MECOM: variants seen among roughly 807,000 people sequenced by gnomAD.
The protein encoded by MECOM is histone-lysine N-methyltransferase MECOM.
In MECOM, 13 loss-of-function variants were observed where a neutral mutation model predicts 116.3. The observed-to-expected ratio is 0.11, with a 90% CI of 0.07 to 0.18. MECOM has a LOEUF of 0.18. MECOM is among the 10% of genes least tolerant of loss of function. MECOM has a pLI of 1.00. For synonymous variants in MECOM, 528 were observed against 535.2 expected (o/e 0.99, Z 0.19); for missense variants, 1,299 against 1,509.0 (o/e 0.86, Z 2.31).
chr3:169,542,857 CTT>C (rs1448394804), intron 1 of MECOM, among the ~76,000 whole-genome samples: 1 of 152,156 alleles, frequency 6.6e-6, no homozygotes, highest in African/African-American at 2.4e-5. Context: ...TCTACTATGT[CTT>C]TGGAAAGTTG....
At chr3:169,507,594 G>A (rs16847809) in intron 1 of MECOM, among the ~76,000 whole-genome samples, 25,185 of 146,816 alleles carry the variant, frequency 0.17, 2,271 homozygotes, top group East Asian at 0.34. Flanking sequence ...TCCAAGAATA[G>A]AAGGCCTACA....
rs559643485 is a variant in MECOM at position 169,334,556 on chromosome 3, C to T, written c.375+46631G>A. On this transcript the variant is annotated intron_variant, in intron 2 of 16. Transcript: ENST00000651503. ...TGCAAGAACCACAGAAGACGGAGAA[C>T]GCTGGTTGATGAGGAGAAGGTCATT... is the stretch of plus-strand genomic sequence containing the variant. 3.9e-5 allele frequency among the ~76,000 whole-genome samples: 6 copies of T among 151,986 alleles called. No homozygotes were observed. In the South Asian group the frequency reaches 6.2e-4, roughly 16 times the overall value.
chr3:169,457,117 G>C (rs967672876), intron 1 of MECOM, among the ~76,000 whole-genome samples: 2 of 152,070 alleles, frequency 1.3e-5, no homozygotes, highest in Non-Finnish European at 2.9e-5. Flanking sequence ...CTCTACCACT[G>C]TTCTCCACAG....
chr3:169,381,276 T>C lies in MECOM; in HGVS notation c.286A>G (p.Thr96Ala). The C allele has an allele frequency of 6.2e-7, 1 of 1,613,838 alleles. No homozygotes were observed. The highest frequency in any genetic ancestry group is 1.3e-5 in the African/African-American group (1 of 75,038). ...TCACCTACTTCGATCTTCCTTTTGG[T>C]CCATATTCCTAGTCCTGCCCCAGGC... ...NMPGAGLGIW[T>A]KRKIEVGEKF... The change falls in exon 2 of 17, where the codon ACC becomes GCC. Residue 96 changes from threonine to alanine, a missense_variant. Physicochemically the swap from Thr to Ala is moderately conservative, Grantham distance 58 (BLOSUM62 0). This residue lies in a region of MECOM where 374 missense variants were observed against 433.4 expected (regional missense o/e 0.86). Transcript: ENST00000651503.
intron 2 of MECOM, among the ~76,000 whole-genome samples, chr3:169,215,020 T>C (rs139645595): frequency 6.6e-6 from 1 of 150,816 alleles, no homozygotes; most frequent in Non-Finnish European, 1.5e-5. Context: ...GCTTTTCTTA[T>C]AGGGCTTTGA....
chr3:169,146,989 C>G (rs1740123480), intron 2 of MECOM: 1 of 995,772 alleles, frequency 1.0e-6, no homozygotes, highest in Non-Finnish European at 1.2e-6. Context: ...TGTCCGCCAA[C>G]AGTGTATTTT....
Position 169,611,049 on chromosome 3 carries a change from T to A in MECOM, c.37+52287A>T, listed in dbSNP as rs1034260382. On this transcript the variant is annotated intron_variant, in intron 1 of 16. Transcript: ENST00000651503. This position sits in a 1 kb window ranked among gnomAD's most constrained non-coding sequence, Gnocchi z 4.1. ...ACCACCTTCAGCATTTGTTAAAAAT[T>A]ACCCATTCCTGTAGATTCTGAGTCA... is the stretch of plus-strand genomic sequence containing the variant. Among the ~76,000 whole-genome samples, 1 of 152,178 alleles carries A rather than the reference T, an allele frequency of 6.6e-6. No homozygotes were observed. The highest frequency in any genetic ancestry group is 2.4e-5 in the African/African-American group (1 of 41,450).
At chr3:169,498,301 G>T (rs1240315008) in intron 1 of MECOM, among the ~76,000 whole-genome samples, 1 of 151,998 alleles carries the variant, frequency 6.6e-6, no homozygotes, top group Non-Finnish European at 1.5e-5. Flanking sequence ...GACCAAAATG[G>T]CAGTGTAAGT....
At chr3:169,294,517 A>G (rs1273792583) in intron 2 of MECOM, among the ~76,000 whole-genome samples, 1 of 152,190 alleles carries the variant, frequency 6.6e-6, no homozygotes, top group Non-Finnish European at 1.5e-5. Flanking sequence ...CTCTGCTCAA[A>G]TGTCCCCATT....
intron 1 of MECOM, among the ~76,000 whole-genome samples, chr3:169,583,749 T>G (rs944643665): frequency 6.6e-6 from 1 of 151,502 alleles, no homozygotes; most frequent in Admixed American, 6.6e-5. Context: ...GATCCAAGCA[T>G]GCCACCACGT....
At chr3:169,187,251 AC>A (rs2149411647) in intron 2 of MECOM, among the ~76,000 whole-genome samples, 1 of 152,196 alleles carries the variant, frequency 6.6e-6, no homozygotes, top group East Asian at 1.9e-4. Context: ...GCTATGATCA[AC>A]CTCTCACCTT....
At chr3:169,287,664 A>G (rs1456476799) in intron 2 of MECOM, among the ~76,000 whole-genome samples, 1 of 152,100 alleles carries the variant, frequency 6.6e-6, no homozygotes, top group Non-Finnish European at 1.5e-5. Flanking sequence ...ATTCCTAATT[A>G]TTTGTACAAT....
At chr3:169,602,525 GA>G (rs1433525682) in intron 1 of MECOM, among the ~76,000 whole-genome samples, 2 of 152,078 alleles carry the variant, frequency 1.3e-5, no homozygotes, top group African/African-American at 4.8e-5. Flanking sequence ...CTGATTGTAG[GA>G]TGTTTAACAG....
chr3:169,140,347 G>A (rs1464228404), intron 3 of MECOM, among the ~76,000 whole-genome samples: 1 of 152,112 alleles, frequency 6.6e-6, no homozygotes, highest in East Asian at 1.9e-4. Context: ...TAAGGATAAA[G>A]AGACTTGGGT....
rs1459424874 is a variant in MECOM, at chr3:169,378,528, AAG to A, written c.375+2657_375+2658del. Among the ~76,000 whole-genome samples, 18 of 70,324 alleles carry A rather than the reference AAG, an allele frequency of 2.6e-4. 2 individuals are homozygous for A. The highest frequency in any genetic ancestry group is 5.4e-4 in the South Asian group (1 of 1,844). 46.1% of individuals were successfully genotyped at this position (70,324 alleles called of 152,430 possible). On this transcript the variant is annotated intron_variant, in intron 2 of 16. Transcript: ENST00000651503. ...AAGAAAGAAAGAAAAGAAAGAAAGA[AAG>A]AAAGAAAGAAAGAAAGAAAGAAAGA...
intron 2 of MECOM, among the ~76,000 whole-genome samples, chr3:169,323,646 G>T (rs762414090): frequency 1.9e-4 from 29 of 152,140 alleles, no homozygotes; most frequent in Non-Finnish European, 3.4e-4. Context: ...TGCCCAGGAG[G>T]CCACCAAAGG....
At chr3:169,540,108 T>C (rs1018164355) in intron 1 of MECOM, among the ~76,000 whole-genome samples, 1 of 152,202 alleles carries the variant, frequency 6.6e-6, no homozygotes, top group African/African-American at 2.4e-5. Context: ...CATCTGAATC[T>C]TCAGGCCTCA....
chr3:169,408,124 A>G (rs1042280988), intron 1 of MECOM, among the ~76,000 whole-genome samples: 3 of 152,248 alleles, frequency 2.0e-5, no homozygotes, highest in Non-Finnish European at 4.4e-5. Context: ...AGCCCACTAC[A>G]AAGGAAAATC....
intron 1 of MECOM, among the ~76,000 whole-genome samples, chr3:169,533,356 G>A (rs534360350): frequency 2.6e-5 from 4 of 152,236 alleles, no homozygotes; most frequent in African/African-American, 9.6e-5. Flanking sequence ...GCATTGCTAC[G>A]ATTTATGGTG....
Sources: gnomAD v4.1 joint callset for allele counts (sites outside exome capture counted in the v4.1 genomes callset) on GRCh38, gnomAD v4.1.1 for gene constraint, gnomAD v4.1.1 regional missense constraint, Gnocchi (gnomAD v3.1) non-coding constraint, MANE v1.5 for transcripts, NCBI Gene and HGNC (gene_info 2026-07-23, HGNC 2026-07-21) for gene names.